The following SORT1 variants were observed in gnomAD, a reference collection of about 807,000 sequenced individuals.
SORT1 encodes sortilin 1.
In SORT1, 39 loss-of-function variants were observed where a neutral mutation model predicts 101.7. The observed-to-expected ratio is 0.38, with a 90% CI of 0.30 to 0.50. SORT1 has a LOEUF of 0.50. Among genes scored for constraint, SORT1 ranks in the 20% least tolerant of loss-of-function variants. The pLI, the probability that SORT1 is intolerant of heterozygous loss-of-function variation, is 0.90. For missense variants in SORT1, 878 were observed against 1,040.4 expected (o/e 0.84, Z 2.15); for synonymous variants, 396 against 393.7 (o/e 1.01, Z -0.07).
In SORT1 at chr1:109,397,565, C is replaced by G. The variant is rs980108356; in HGVS notation, c.306+22G>C. 36 of 1,171,488 alleles carry G rather than the reference C, an allele frequency of 3.1e-5. No individual in the cohort carries two copies. In the African/African-American group the frequency reaches 5.3e-4, roughly 17 times the overall value. The allele number at this position is 1,171,488 out of a possible 1,614,324, so 72.6% of individuals were successfully genotyped here. On this transcript the variant is annotated intron_variant, in intron 1 of 19. Coordinates refer to ENST00000256637, the MANE Select transcript of SORT1 (RefSeq NM_002959.7). ...GGCGGCACCTCGCACCCGAGCGGCT[C>G]CCGGGCCCGGCGCCCGCTCACCTGG...
rs1273248099 is a variant in SORT1 at position 109,310,201 on chromosome 1, G to C, written c.*3842C>G. 2 of 152,610 alleles carry C rather than the reference G, an allele frequency of 1.3e-5. No individual in the cohort carries two copies. The highest frequency in any genetic ancestry group is 4.8e-5 in the African/African-American group (2 of 41,420). 9.5% of individuals were successfully genotyped at this position (152,610 alleles called of 1,614,324 possible). A position where few individuals can be genotyped will look rare whatever the true frequency, so the allele number is the denominator to read the frequency against. On this transcript the variant is annotated 3_prime_UTR_variant, in exon 20 of 20. Transcript: ENST00000256637. Reference sequence around the variant, plus strand: ...CACATATATATAAAGGTACAGATTAGTTTATGTTATTCCTTATAAACAAGT... The same window carrying C: ...CACATATATATAAAGGTACAGATTACTTTATGTTATTCCTTATAAACAAGT...
chr1:109,350,429 AC>A (rs1438413600), intron 6 of SORT1, among the ~76,000 whole-genome samples: 1 of 152,118 alleles, frequency 6.6e-6, no homozygotes, highest in Non-Finnish European at 1.5e-5. Context: ...TTAAGCAGGC[AC>A]CCGGAGGGGC....
At chr1:109,326,511 A>G (rs1241497530) in intron 13 of SORT1, among the ~76,000 whole-genome samples, 1 of 13,344 alleles carries the variant, frequency 7.5e-5, no homozygotes, top group Admixed American at 1.6e-3. Flanking sequence ...ATATACACAC[A>G]TACACATATA....
At chr1:109,318,503 G>C (rs1030104596) in intron 15 of SORT1, among the ~76,000 whole-genome samples, 1 of 152,114 alleles carries the variant, frequency 6.6e-6, no homozygotes, top group Non-Finnish European at 1.5e-5. Context: ...GGTGGGGGTA[G>C]GACTAGCTAG....
At position 109,342,085 on chromosome 1, in the gene SORT1, C is replaced by T. The variant is rs757596692; in HGVS notation, c.1037G>A (p.Gly346Glu). 1 of 1,613,572 alleles carries T rather than the reference C, an allele frequency of 6.2e-7. No individual in the cohort carries two copies. Among genetic ancestry groups the T allele is most frequent in the Non-Finnish European group, 8.5e-7 (1 of 1,179,578 alleles). The change falls in exon 9 of 20, where the codon GGA becomes GAA. Residue 346 changes from glycine (G) to glutamate (E), a missense_variant. By Grantham distance (98) the Gly-to-Glu change is moderately conservative. This residue lies in a region of SORT1 where 684 missense variants were observed against 894.5 expected (regional missense o/e 0.76). Coordinates refer to ENST00000256637, the MANE Select transcript of SORT1 (RefSeq NM_002959.7). Reference protein sequence around the residue: ...TWSMAQLPSVGQEQFYSILAA... With the variant: ...TWSMAQLPSVEQEQFYSILAA... ...CAGAATAGAATAGAACTGTTCCTGTCCCACGGAGGGGAGCTGGGCCATGCT... is the reference window on the plus strand; with the variant it reads ...CAGAATAGAATAGAACTGTTCCTGTTCCACGGAGGGGAGCTGGGCCATGCT...
At chr1:109,332,819 CAACTT>C (rs1248674815) in intron 11 of SORT1, among the ~76,000 whole-genome samples, 2 of 152,164 alleles carry the variant, frequency 1.3e-5, no homozygotes, top group Non-Finnish European at 2.9e-5. Flanking sequence ...CATTTATTGT[CAACTT>C]AACTTTGACA....
intron 1 of SORT1, among the ~76,000 whole-genome samples, chr1:109,383,656 A>C (rs555326032): frequency 5.0e-4 from 76 of 152,324 alleles, no homozygotes; most frequent in Non-Finnish European, 7.9e-4. Flanking sequence ...AACTCCAGTG[A>C]GGCCTAGAAC....
At chr1:109,376,139 G>A (rs1463794265) in intron 1 of SORT1, among the ~76,000 whole-genome samples, 1 of 152,090 alleles carries the variant, frequency 6.6e-6, no homozygotes, top group Non-Finnish European at 1.5e-5. Context: ...TCAGGAGATC[G>A]AGACTACGGT....
intron 1 of SORT1, among the ~76,000 whole-genome samples, chr1:109,382,903 T>C (rs1239873798): frequency 6.6e-6 from 1 of 152,192 alleles, no homozygotes; most frequent in Non-Finnish European, 1.5e-5. Context: ...CCCCATACTT[T>C]AGAGTTCATG....
chr1:109,327,658 A>T (rs1337149401), intron 11 of SORT1, 57 bp from the exon 12 acceptor site: 1 of 1,187,536 alleles, frequency 8.4e-7, no homozygotes, highest in Non-Finnish European at 1.2e-6. Flanking sequence ...CAATTTCTTT[A>T]ATCATTTCAC....
At chr1:109,366,119 A>G (rs144769001) in intron 3 of SORT1, among the ~76,000 whole-genome samples, 89 of 152,344 alleles carry the variant, frequency 5.8e-4, no homozygotes, top group South Asian at 2.5e-3. Context: ...ATCATTCAGC[A>G]ATCTCTAGGA....
intron 8 of SORT1, among the ~76,000 whole-genome samples, chr1:109,343,897 C>T (rs1318439289): frequency 1.3e-5 from 2 of 152,172 alleles, no homozygotes; most frequent in Admixed American, 6.5e-5. Context: ...GTGATTTGCT[C>T]GTCTTAGCCT....
chr1:109,389,177 T>C (rs943893905), intron 1 of SORT1, among the ~76,000 whole-genome samples: 2 of 152,150 alleles, frequency 1.3e-5, no homozygotes, highest in Non-Finnish European at 2.9e-5. Flanking sequence ...CATCAGCAGG[T>C]TTATTAAGGA....
At chr1:109,395,825 AGCACTGTG>A (rs1466388921) in intron 1 of SORT1, among the ~76,000 whole-genome samples, 1 of 152,166 alleles carries the variant, frequency 6.6e-6, no homozygotes, top group African/African-American at 2.4e-5. Context: ...CTCTAATCTC[AGCACTGTG>A]GCAGGCTAAG....
chr1:109,327,105 A>G lies in SORT1; in HGVS notation c.1530T>C (p.Asp510=), dbSNP rs1245921586. The G allele has an allele frequency of 6.2e-7, 1 of 1,613,560 alleles. No homozygotes were observed. Among genetic ancestry groups the G allele is most frequent in the Admixed American group, 1.7e-5 (1 of 60,012 alleles). ...VMVPDVYISD[D]GGYSWTKMLE... The stretch of plus-strand genomic sequence containing the variant: ...GCATCTTTGTCCAGGAGTAACCCCC[A>G]TCATCTGAGATGTACACATCTGGAA... The change falls in exon 13 of 20, where the codon GAT becomes GAC. Residue 510 remains aspartate (D), a synonymous_variant. Coordinates refer to ENST00000256637, the MANE Select transcript of SORT1 (RefSeq NM_002959.7).
chr1:109,316,863 C>A lies in SORT1; in HGVS notation c.2237G>T (p.Ser746Ile), dbSNP rs72646588. ...LKKKCTSNFL[S>I]PEKQNSKSNS... ...ATTTTAACATACCTGTTTTTCCGGA[C>A]TCAAAAAGTTGCTTGTGCATTTCTT... The change falls in exon 17 of 20, where the codon AGT (serine) becomes ATT (isoleucine). Residue 746 changes from serine (S) to isoleucine (I), a missense_variant. Ser to Ile is a moderately radical substitution (Grantham distance 142). This residue lies in a region of SORT1 where 684 missense variants were observed against 894.5 expected (regional missense o/e 0.76). Transcript: ENST00000256637. 7.5e-6 allele frequency: 12 copies of A among 1,605,914 alleles called. No individual in the cohort carries two copies. Among genetic ancestry groups the A allele is most frequent in the African/African-American group, 1.3e-5 (1 of 74,494 alleles).
intron 3 of SORT1, among the ~76,000 whole-genome samples, chr1:109,361,586 T>G (rs1650723143): frequency 1.3e-5 from 2 of 152,200 alleles, no homozygotes; most frequent in East Asian, 3.8e-4. Flanking sequence ...ACCCATTTTC[T>G]TTTGTTCATT....
At chr1:109,331,372 T>C (rs1481433055) in intron 11 of SORT1, among the ~76,000 whole-genome samples, 1 of 152,132 alleles carries the variant, frequency 6.6e-6, no homozygotes, top group Non-Finnish European at 1.5e-5. Flanking sequence ...AGAAATCATA[T>C]CATCTTGATA....
At chr1:109,318,645 T>C (rs1223746873) in intron 15 of SORT1, among the ~76,000 whole-genome samples, 1 of 152,034 alleles carries the variant, frequency 6.6e-6, no homozygotes, top group East Asian at 1.9e-4. Context: ...TTGGCAATTC[T>C]TTTCTTTTCT....
Sources: gnomAD v4.1 joint callset for allele counts (sites outside exome capture counted in the v4.1 genomes callset) on GRCh38, gnomAD v4.1.1 for gene constraint, gnomAD v4.1.1 regional missense constraint, MANE v1.5 for transcripts, NCBI Gene and HGNC (gene_info 2026-07-23, HGNC 2026-07-21) for gene names.